The following SEC11A variants were observed in gnomAD, a reference collection of about 807,000 sequenced individuals.
SEC11A encodes the protein signal peptidase complex catalytic subunit SEC11A.
SEC11A carries 14 observed loss-of-function variants against 25.6 expected under a neutral mutation model. The ratio of observed to expected loss-of-function variants is 0.55; its 90% CI spans 0.36 to 0.85. The LOEUF (loss-of-function observed/expected upper bound fraction) is 0.85. Ranked by LOEUF, SEC11A falls within the 40% of genes least tolerant of loss-of-function variation. The pLI, the probability that SEC11A is intolerant of heterozygous loss-of-function variation, is 0.01. For synonymous variants in SEC11A, 83 were observed against 76.4 expected, an observed-to-expected ratio of 1.09 and a Z score of -0.45; for missense variants, 153 against 222.9, an observed-to-expected ratio of 0.69 and a Z score of 2.00.
chr15:84,701,251 T>C (rs1159484894), intron 1 of SEC11A, among the ~76,000 whole-genome samples: 2 of 150,854 alleles, frequency 1.3e-5, no homozygotes, highest in Non-Finnish European at 2.9e-5. Flanking sequence ...AGTGGGAGGA[T>C]CACTTGAGCC....
intron 1 of SEC11A, among the ~76,000 whole-genome samples, chr15:84,701,525 A>T (rs1455134156): frequency 2.0e-5 from 3 of 150,928 alleles, no homozygotes; most frequent in African/African-American, 7.3e-5. Flanking sequence ...AGCCTGGGCA[A>T]CAAAGCAAGA....
intron 4 of SEC11A, among the ~76,000 whole-genome samples, chr15:84,678,771 T>G (rs1280818364): frequency 6.6e-6 from 1 of 152,002 alleles, no homozygotes; most frequent in Non-Finnish European, 1.5e-5. Context: ...GACAGGTGGA[T>G]CATTTGAAGC....
intron 1 of SEC11A, among the ~76,000 whole-genome samples, chr15:84,704,327 C>G (rs1898033642): frequency 6.6e-6 from 1 of 152,134 alleles, no homozygotes. Context: ...AGTGGACAAG[C>G]AGTCATGGAA....
intron 1 of SEC11A, among the ~76,000 whole-genome samples, chr15:84,711,105 G>A (rs1055921296): frequency 4.0e-5 from 6 of 151,150 alleles, no homozygotes; most frequent in African/African-American, 9.7e-5. Flanking sequence ...AAGGCTGGGC[G>A]CAGTGACTCA....
intron 5 of SEC11A, 154 bp from the exon 6 acceptor site, chr15:84,670,223 A>T: frequency 1.7e-6 from 1 of 572,858 alleles, no homozygotes; most frequent in Non-Finnish European, 2.9e-6. Context: ...AGTTTCCAAT[A>T]CTAAGCAAAA....
At chr15:84,706,965 C>A (rs68108526) in intron 1 of SEC11A, among the ~76,000 whole-genome samples, 9,485 of 152,196 alleles carry the variant, frequency 0.062, 377 homozygotes, top group African/African-American at 0.088. Context: ...AGAGACTAGA[C>A]AGACAGTCAG....
At chr15:84,685,797 C>CTTTTTTTTTTTTTTT (rs72000042) in intron 3 of SEC11A, 1 of 90,812 alleles carries the variant, frequency 1.1e-5, no homozygotes, top group Non-Finnish European at 2.0e-5. Context: ...AAATAAATTT[C>CTTTTTTTTTTTTTTT]TTTTTTTTTT....
rs778350005 is a variant in SEC11A, at chr15:84,677,410, T to C, written c.431+3303A>G. Among the ~76,000 whole-genome samples the C allele has an allele frequency of 2.0e-4, 30 of 152,000 alleles. 1 individual carries two copies. The highest frequency in any genetic ancestry group is 8.3e-4 in the South Asian group (4 of 4,826). On this transcript the variant is annotated intron_variant, in intron 4 of 5. Transcript: ENST00000268220. ...TTTTAAGTAACAGCTCAAAATGGTC[T>C]ATAGTTTCTATGTTGGGATTTTAAA...
Position 84,669,979 on chromosome 15 carries a change from A to AAT in SEC11A, c.*39_*40insAT, listed in dbSNP as rs1896938411. On this transcript the variant is annotated 3_prime_UTR_variant, in exon 6 of 6. Transcript: ENST00000268220. The stretch of plus-strand genomic sequence containing the variant: ...TATCTACTCCAAACATCCAGTAACG[A>AAT]AAACTATGGCATCTTCCCAGGAACA... The AAT allele has an allele frequency of 6.2e-7, 1 of 1,613,190 alleles. No homozygotes were observed. Among genetic ancestry groups the AAT allele is most frequent in the African/African-American group, 1.3e-5 (1 of 74,916 alleles).
At chr15:84,714,317 C>A (rs1898389555) in intron 1 of SEC11A, among the ~76,000 whole-genome samples, 1 of 152,158 alleles carries the variant, frequency 6.6e-6, no homozygotes, top group South Asian at 2.1e-4. Context: ...CCCAGTCTAC[C>A]TTCTGTCTTA....
At chr15:84,680,930 G>T in intron 3 of SEC11A, 98 bp from the exon 4 acceptor site, 1 of 1,019,936 alleles carries the variant, frequency 9.8e-7, no homozygotes, top group Non-Finnish European at 1.4e-6. Context: ...TGGCACTGGG[G>T]TATCTTTTCA....
intron 1 of SEC11A, among the ~76,000 whole-genome samples, chr15:84,698,768 A>G (rs920998477): frequency 2.6e-5 from 4 of 152,334 alleles, no homozygotes; most frequent in African/African-American, 9.6e-5. Context: ...TCAAATGCCC[A>G]TCAACAGATG....
intron 4 of SEC11A, chr15:84,672,548 C>G (rs991973968): frequency 5.7e-6 from 1 of 175,064 alleles, no homozygotes; most frequent in Non-Finnish European, 1.2e-5. Context: ...GGATTGCAGA[C>G]GGAGTCTCGT....
chr15:84,679,990 A>C, intron 4 of SEC11A: 1 of 1,492,076 alleles, frequency 6.7e-7, no homozygotes, highest in Non-Finnish European at 9.0e-7. Flanking sequence ...CAGGCTTAAT[A>C]TAACTTTTTA....
At chr15:84,672,268 C>CCCACGGTCTCCCTCTCCCTCTCTTT (rs1390323460) in intron 4 of SEC11A, 1 of 159,718 alleles carries the variant, frequency 6.3e-6, no homozygotes, top group Admixed American at 6.4e-5. Flanking sequence ...TCTGCCTCTC[C>CCCACGGTCTCCCTCTCCCTCTCTTT]CCACGGTCTC....
At chr15:84,676,661 C>G (rs1161353312) in intron 4 of SEC11A, among the ~76,000 whole-genome samples, 1 of 151,552 alleles carries the variant, frequency 6.6e-6, no homozygotes, top group Non-Finnish European at 1.5e-5. Flanking sequence ...ACTCAGGAAG[C>G]TGTAATCCCA....
Position 84,716,103 on chromosome 15 carries a change from A to G in SEC11A, c.-28T>C, listed in dbSNP as rs778400665. ...CGGGGACGGCGAGCAGGACACCGGC[A>G]GGGGAAAGGGCGCGATGACCAGCGG... On this transcript the variant is annotated 5_prime_UTR_variant, in exon 1 of 6. Transcript: ENST00000268220. 10 of 1,611,456 alleles carry G rather than the reference A, an allele frequency of 6.2e-6. No homozygotes were observed. The highest frequency in any genetic ancestry group is 7.6e-6 in the Non-Finnish European group (9 of 1,178,166).
At chr15:84,714,443 C>T (rs903812799) in intron 1 of SEC11A, among the ~76,000 whole-genome samples, 1 of 152,174 alleles carries the variant, frequency 6.6e-6, no homozygotes, top group African/African-American at 2.4e-5. Flanking sequence ...ATCTTCATAG[C>T]GACCCTACGT....
rs369239188 is a variant in SEC11A at position 84,670,051 on chromosome 15, G to C, written c.508C>G (p.Leu170Val). Residue 170 changes from leucine (L) to valine (V), a missense_variant, in exon 6 of 6, where the codon CTG (leucine) becomes GTG (valine). Leu to Val is a conservative substitution (Grantham distance 32). Transcript: ENST00000268220. ...PKFKYAVLFL[L>V]GLFVLVHRE The stretch of plus-strand genomic sequence containing the variant: ...CGATGAACCAGCACGAATAAACCCA[G>C]CAAAAAGAGAACTGCATACTAGAAA... 7 of 1,612,670 alleles carry C rather than the reference G, an allele frequency of 4.3e-6. No individual in the cohort carries two copies. The highest frequency in any genetic ancestry group is 1.3e-5 in the African/African-American group (1 of 74,770).
Sources: gnomAD v4.1 joint callset for allele counts (sites outside exome capture counted in the v4.1 genomes callset) on GRCh38, gnomAD v4.1.1 for gene constraint, MANE v1.5 for transcripts, NCBI Gene and HGNC (gene_info 2026-07-23, HGNC 2026-07-21) for gene names.